The following PCDH11X variants were observed in gnomAD, a reference collection of about 807,000 sequenced individuals.
PCDH11X encodes protocadherin-11 X-linked.
Under a neutral mutation model 53.3 loss-of-function variants are expected in PCDH11X, and 18 were observed. The ratio of observed to expected loss-of-function variants is 0.34; its 90% CI spans 0.23 to 0.50. The LOEUF is 0.50. PCDH11X is among the 20% of genes least tolerant of loss of function. The pLI is 0.98. For missense variants in PCDH11X, 570 were observed against 1,032.4 expected (o/e 0.55, Z 6.14); for synonymous variants, 279 against 393.3 (o/e 0.71, Z 3.44).
rs775816262 is a variant in PCDH11X at position 92,601,435 on chromosome X, C to T, written c.3368-16829C>T. Among the ~76,000 whole-genome samples, 997 of 99,861 alleles carry T rather than the reference C, an allele frequency of 1.0e-2. 17 individuals carry two copies. The highest frequency in any genetic ancestry group is 0.036 in the African/African-American group (945 of 26,260). 86.7% of individuals were successfully genotyped at this position (99,861 alleles called of 115,157 possible). A position where few individuals can be genotyped will look rare whatever the true frequency, so the allele number is the denominator to read the frequency against. On this transcript the variant is annotated intron_variant, in intron 10 of 10. Coordinates refer to ENST00000682573, the MANE Select transcript of PCDH11X (RefSeq NM_032968.5). ...GAACAATGATGTGAAATAATTAAAA[C>T]GCTAATACATTGCTGATGGGAATGT...
At chrX:92,529,661 ATTACC>A (rs1338431129) in intron 10 of PCDH11X, among the ~76,000 whole-genome samples, 1 of 94,752 alleles carries the variant, frequency 1.1e-5, no homozygotes, top group Non-Finnish European at 2.1e-5. Context: ...GAAAAAAATA[ATTACC>A]TTACTCGAAG....
intron 6 of PCDH11X, among the ~76,000 whole-genome samples, chrX:92,143,460 G>A (rs1330409518): frequency 8.9e-6 from 1 of 112,492 alleles, no homozygotes; most frequent in Non-Finnish European, 1.9e-5. Context: ...AACCTCTCTA[G>A]TCGTGGCTGA....
At chrX:92,437,353 A>C (rs188042267) in intron 9 of PCDH11X, among the ~76,000 whole-genome samples, 1 of 111,701 alleles carries the variant, frequency 9.0e-6, no homozygotes, top group African/African-American at 3.2e-5. Context: ...ATGTTGGTAA[A>C]ATTTTATAGT....
At chrX:91,795,159 T>A (rs1187494352) in intron 1 of PCDH11X, among the ~76,000 whole-genome samples, 4 of 112,301 alleles carry the variant, frequency 3.6e-5, no homozygotes, top group African/African-American at 1.3e-4. Context: ...GATATTTTTT[T>A]GTCTTTGTGC....
chrX:92,507,209 T>C (rs2074079397), intron 10 of PCDH11X, among the ~76,000 whole-genome samples: 1 of 111,077 alleles, frequency 9.0e-6, no homozygotes, highest in Non-Finnish European at 1.9e-5. Context: ...TTTTCATGTG[T>C]CTCAAATTCA....
At chrX:92,036,355 C>T (rs1178913715) in intron 6 of PCDH11X, among the ~76,000 whole-genome samples, 3 of 108,662 alleles carry the variant, frequency 2.8e-5, no homozygotes, top group Admixed American at 2.0e-4. Flanking sequence ...ATTGTAACTC[C>T]TACAATTGCC....
At chrX:91,991,945 T>C (rs1229217973) in intron 6 of PCDH11X, among the ~76,000 whole-genome samples, 2 of 99,902 alleles carry the variant, frequency 2.0e-5, no homozygotes, top group African/African-American at 7.6e-5. Context: ...TCCAATTGTT[T>C]TGTTAGTTGT....
intron 6 of PCDH11X, among the ~76,000 whole-genome samples, chrX:92,151,699 C>G (rs1325142182): frequency 9.0e-6 from 1 of 110,945 alleles, no homozygotes; most frequent in Non-Finnish European, 1.9e-5. Flanking sequence ...TTATTATTAT[C>G]GTTACATATA....
chrX:92,563,045 CCGTTTTTTTTT>C (rs1250013234), intron 10 of PCDH11X, among the ~76,000 whole-genome samples: 16 of 80,858 alleles, frequency 2.0e-4, no homozygotes, highest in African/African-American at 7.8e-4. Context: ...CTCCTTGGTA[CCGTTTTTTTTT>C]TTTTTTTTTT....
intron 6 of PCDH11X, among the ~76,000 whole-genome samples, chrX:91,948,609 C>G (rs778005868): frequency 9.1e-6 from 1 of 109,850 alleles, no homozygotes; most frequent in Non-Finnish European, 1.9e-5. Context: ...TAAAGAAAAG[C>G]ATTATTTATA....
chrX:91,990,838 G>C (rs1477591685), intron 6 of PCDH11X, among the ~76,000 whole-genome samples: 2 of 105,333 alleles, frequency 1.9e-5, no homozygotes, highest in East Asian at 3.1e-4. Context: ...CTGAACTTTG[G>C]GGGGCTAGCC....
At position 91,944,023 on chromosome X, in the gene PCDH11X, TTGTGTGTG is replaced by T. The variant is rs755497548; in HGVS notation, c.3033+64782_3033+64789del. On this transcript the variant is annotated intron_variant, in intron 6 of 10. Transcript: ENST00000682573. ...ATATCCCAAAGCTGTATCTCCTGGATTGTGTGTGTGTGTGTGTGTGTGTGTGTGTGTGT... is the reference window on the plus strand; with the variant it reads ...ATATCCCAAAGCTGTATCTCCTGGATTGTGTGTGTGTGTGTGTGTGTGTGT... Among the ~76,000 whole-genome samples, 6 of 63,949 alleles carry T rather than the reference TTGTGTGTG, an allele frequency of 9.4e-5. 1 individual carries two copies. In the South Asian group the frequency reaches 3.4e-3, roughly 36 times the overall value. The allele number at this position is 63,949 out of a possible 115,157, so 55.5% of individuals were successfully genotyped here.
intron 7 of PCDH11X, among the ~76,000 whole-genome samples, chrX:92,247,889 T>C (rs1023581269): frequency 9.2e-6 from 1 of 109,223 alleles, no homozygotes; most frequent in Non-Finnish European, 1.9e-5. Context: ...GTAGCTATTG[T>C]GCATTATTTG....
chrX:92,445,460 T>C (rs1213780593), intron 9 of PCDH11X, among the ~76,000 whole-genome samples: 1 of 104,866 alleles, frequency 9.5e-6, no homozygotes, highest in Non-Finnish European at 1.9e-5. Flanking sequence ...AAAAATGATA[T>C]AAATACAAGT....
intron 6 of PCDH11X, among the ~76,000 whole-genome samples, chrX:91,892,339 C>T (rs186924440): frequency 4.8e-4 from 52 of 107,642 alleles, no homozygotes; most frequent in African/African-American, 1.7e-3. Flanking sequence ...CTACCCTGTA[C>T]CCATAATACT....
At chrX:92,177,539 C>T (rs17312993) in intron 6 of PCDH11X, among the ~76,000 whole-genome samples, 55,800 of 110,417 alleles carry the variant, frequency 0.51, 10,604 homozygotes, top group Non-Finnish European at 0.6. Flanking sequence ...CATGATGGGG[C>T]GATTTTTAAG....
chrX:92,266,917 G>A lies in PCDH11X; in HGVS notation c.3144+3774G>A, dbSNP rs12556866. ...CTGCCACCACGCCTGGCTAATTTTT[G>A]TATTTTTAATAGAGACGAGGGTTCA... is the stretch of plus-strand genomic sequence containing the variant. On this transcript the variant is annotated intron_variant, in intron 8 of 10. Transcript: ENST00000682573. Among the ~76,000 whole-genome samples, 336 of 109,288 alleles carry A rather than the reference G, an allele frequency of 3.1e-3. 8 individuals carry two copies. In the East Asian group the frequency reaches 0.07, roughly 23 times the overall value. The allele number at this position is 109,288 out of a possible 115,157, so 94.9% of individuals were successfully genotyped here. A position where few individuals can be genotyped will look rare whatever the true frequency, so the allele number is the denominator to read the frequency against.
chrX:92,590,910 G>A (rs1273591922), intron 10 of PCDH11X, among the ~76,000 whole-genome samples: 1 of 110,820 alleles, frequency 9.0e-6, no homozygotes, highest in Non-Finnish European at 1.9e-5. Flanking sequence ...CTGACTAGGG[G>A]TGATTATCCC....
chrX:92,167,623 A>G (rs2065756927), intron 6 of PCDH11X, among the ~76,000 whole-genome samples: 1 of 111,609 alleles, frequency 9.0e-6, no homozygotes, highest in African/African-American at 3.3e-5. Flanking sequence ...TTACTTTTCA[A>G]TGGTAGATTA....
Sources: allele counts gnomAD v4.1 joint callset (sites outside exome capture counted in the v4.1 genomes callset), GRCh38; gene constraint gnomAD v4.1.1; transcripts MANE v1.5; gene names NCBI Gene and HGNC (gene_info 2026-07-23, HGNC 2026-07-21).